The following ERG variants were observed in gnomAD, a reference collection of about 807,000 sequenced individuals.
The protein encoded by ERG is ETS transcription factor ERG.
A neutral mutation model predicts 55.3 loss-of-function variants in ERG; 9 were observed. The ratio of observed to expected loss-of-function variants is 0.16; its 90% confidence interval spans 0.10 to 0.28. The LOEUF (loss-of-function observed/expected upper bound fraction) is 0.28, where lower values mean the gene tolerates loss of function less well. ERG is among the 10% of genes least tolerant of loss of function. The pLI is 1.00. For missense variants in ERG, 434 were observed against 631.6 expected (o/e 0.69, Z 3.35); for synonymous variants, 223 against 237.3 (o/e 0.94, Z 0.55).
chr21:38,556,117 T>C (rs934036515), intron 2 of ERG, among the ~76,000 whole-genome samples: 8 of 151,938 alleles, frequency 5.3e-5, no homozygotes, highest in Non-Finnish European at 1.2e-4. Context: ...AAACAGTTTC[T>C]AGGGACATGG....
chr21:38,512,861 A>G (rs2059523203), intron 2 of ERG, among the ~76,000 whole-genome samples: 1 of 152,184 alleles, frequency 6.6e-6, no homozygotes, highest in South Asian at 2.1e-4. Flanking sequence ...GGCCAGGCGC[A>G]GTGGCTCACG....
downstream of ERG, among the ~76,000 whole-genome samples, chr21:38,377,828 T>C (rs575669345): frequency 7.9e-5 from 12 of 152,274 alleles, no homozygotes; most frequent in African/African-American, 2.6e-4. Flanking sequence ...TTTCAGCTGA[T>C]GCATGTCTAA....
chr21:38,470,915 G>A (rs2059133311), intron 1 of ERG: 1 of 152,198 alleles, frequency 6.6e-6, no homozygotes, highest in Non-Finnish European at 1.5e-5. Context: ...GACTGGACCA[G>A]GAGCCAGGGG....
chr21:38,548,435 G>GACCATTATC (rs1300114300), intron 2 of ERG, among the ~76,000 whole-genome samples: 1 of 151,358 alleles, frequency 6.6e-6, no homozygotes, highest in Non-Finnish European at 1.5e-5. Context: ...CTTAAACAGA[G>GACCATTATC]ACCATTATCA....
intron 1 of ERG, among the ~76,000 whole-genome samples, chr21:38,616,913 C>T (rs2060262474): frequency 6.6e-6 from 1 of 152,184 alleles, no homozygotes. Flanking sequence ...CTCAGAACAT[C>T]AAGAAATTCC....
intron 2 of ERG, among the ~76,000 whole-genome samples, chr21:38,443,618 T>A (rs2058861947): frequency 6.6e-6 from 1 of 152,176 alleles, no homozygotes; most frequent in African/African-American, 2.4e-5. Context: ...TAGTTAATGA[T>A]CAACAGAAAC....
chr21:38,433,707 G>A (rs912121973), intron 2 of ERG, among the ~76,000 whole-genome samples: 3 of 152,156 alleles, frequency 2.0e-5, no homozygotes, highest in Non-Finnish European at 4.4e-5. Flanking sequence ...ACATCCCAGA[G>A]GGGCAGCCCC....
chr21:38,615,519 C>G (rs2060253372), intron 1 of ERG, among the ~76,000 whole-genome samples: 1 of 151,616 alleles, frequency 6.6e-6, no homozygotes, highest in Non-Finnish European at 1.5e-5. Context: ...TTCTTCAGTT[C>G]AGAGTTAGTT....
At chr21:38,567,073 T>TTG (rs1342638614) in intron 2 of ERG, among the ~76,000 whole-genome samples, 1 of 151,696 alleles carries the variant, frequency 6.6e-6, no homozygotes. Flanking sequence ...ATCGCCAGAC[T>TTG]GGGGGGGGGA....
chr21:38,568,741 C>T (rs2059938584), intron 2 of ERG, among the ~76,000 whole-genome samples: 3 of 152,120 alleles, frequency 2.0e-5, no homozygotes, highest in South Asian at 4.1e-4. Flanking sequence ...GCCTGGACAC[C>T]CTTCATGAGC....
intron 1 of ERG, among the ~76,000 whole-genome samples, chr21:38,479,918 T>C (rs2059221966): frequency 6.6e-6 from 1 of 152,180 alleles, no homozygotes; most frequent in Admixed American, 6.5e-5. Context: ...GTACAGAACT[T>C]TCACCTTTTC....
chr21:38,469,789 A>T (rs557304199), intron 1 of ERG, among the ~76,000 whole-genome samples: 1 of 152,268 alleles, frequency 6.6e-6, no homozygotes, highest in Non-Finnish European at 1.5e-5. Flanking sequence ...AGTCATTATA[A>T]CCTTTTACAT....
intron 2 of ERG, among the ~76,000 whole-genome samples, chr21:38,571,588 A>C (rs769221246): frequency 2.6e-5 from 4 of 152,296 alleles, no homozygotes; most frequent in Non-Finnish European, 5.9e-5. Flanking sequence ...AAGAAAGGGA[A>C]ATCAAATTAT....
rs141515179 is a variant in ERG at position 38,603,976 on chromosome 21, C to T, written c.-149-19031G>A. Among the ~76,000 whole-genome samples the T allele has an allele frequency of 6.1e-3, 921 of 152,000 alleles. 13 individuals are homozygous for T. The highest frequency in any genetic ancestry group is 0.021 in the African/African-American group (869 of 41,380). ...AAAATGTACTAGTTTTGGCCGGGCG[C>T]GGTGGCTCACGCCTGTAATCCCAGC... On this transcript the variant is annotated intron_variant, in intron 1 of 10. Transcript: ENST00000398910.
chr21:38,396,402 ATGC>A (rs1569063198), intron 6 of ERG, among the ~76,000 whole-genome samples: 1 of 152,242 alleles, frequency 6.6e-6, no homozygotes, highest in African/African-American at 2.4e-5. Context: ...TAACTGAGAG[ATGC>A]TATGCAGTAG....
chr21:38,565,519 G>A (rs2187307), intron 2 of ERG, among the ~76,000 whole-genome samples: 130,902 of 152,144 alleles, frequency 0.86, 56,467 homozygotes, highest in South Asian at 0.92. Context: ...CTCACTCCAC[G>A]CCAGCCCCCA....
At chr21:38,450,694 A>G (rs1283720441) in intron 1 of ERG, among the ~76,000 whole-genome samples, 1 of 152,174 alleles carries the variant, frequency 6.6e-6, no homozygotes, top group Non-Finnish European at 1.5e-5. Context: ...ATCCTCTTAA[A>G]TTCTATTTTG....
rs145136527 is a variant in ERG, at chr21:38,431,988, T to C, written c.237-8427A>G. The stretch of plus-strand genomic sequence containing the variant: ...AGATCAGACCTGTCAGAGAAGTCAA[T>C]GCAAAAACATGAAAAAAACGTGTAA... On this transcript the variant is annotated intron_variant, in intron 2 of 9. Coordinates refer to ENST00000288319, the MANE Select transcript of ERG (RefSeq NM_182918.4). Among the ~76,000 whole-genome samples the C allele has an allele frequency of 2.6e-3, 397 of 152,192 alleles. 4 individuals are homozygous for C. Among genetic ancestry groups the C allele is most frequent in the African/African-American group, 9.2e-3 (381 of 41,512 alleles).
At chr21:38,636,627 AAGGAGATTATC>A (rs1313720836) in intron 1 of ERG, among the ~76,000 whole-genome samples, 1 of 152,164 alleles carries the variant, frequency 6.6e-6, no homozygotes, top group Admixed American at 6.5e-5. Context: ...TCTCATTTCT[AAGGAGATTATC>A]AGGAAGAATG....
Sources: gnomAD v4.1 joint callset for allele counts (sites outside exome capture counted in the v4.1 genomes callset) on GRCh38, gnomAD v4.1.1 for gene constraint, MANE v1.5 for transcripts, NCBI Gene and HGNC (gene_info 2026-07-23, HGNC 2026-07-21) for gene names.